EYS: variants seen among roughly 807,000 people sequenced by gnomAD.
The protein encoded by EYS is protein eyes shut homolog.
Under a neutral mutation model 282.1 loss-of-function variants are expected in EYS, and 250 were observed. That is an observed-to-expected ratio of 0.89 (90% CI 0.80 to 0.98). The LOEUF (loss-of-function observed/expected upper bound fraction) is 0.98. Ranked by LOEUF, EYS falls within the 50% of genes least tolerant of loss-of-function variation. The probability of loss-of-function intolerance (pLI) is 0.00; values close to 1 mark genes in which losing one functional copy is unlikely to be tolerated. For synonymous variants in EYS, 1,355 were observed against 1,282.9 expected (o/e 1.06, Z -1.20); for missense variants, 4,016 against 3,709.0 (o/e 1.08, Z -2.15).
chr6:65,136,767 C>T (rs1339097647), intron 12 of EYS, among the ~76,000 whole-genome samples: 1 of 152,072 alleles, frequency 6.6e-6, no homozygotes, highest in Non-Finnish European at 1.5e-5. Context: ...CTTACTGCAA[C>T]CTCTGCCTCT....
intron 14 of EYS, among the ~76,000 whole-genome samples, chr6:64,959,323 T>C (rs906057590): frequency 6.6e-5 from 10 of 152,232 alleles, no homozygotes; most frequent in Non-Finnish European, 1.5e-4. Context: ...GTAGAATGTG[T>C]TATTATTGAC....
chr6:64,963,286 C>T lies in EYS; in HGVS notation c.2260-17372G>A, dbSNP rs185575708. On this transcript the variant is annotated intron_variant, in intron 14 of 42. Coordinates refer to ENST00000503581, the MANE Select transcript of EYS (RefSeq NM_001142800.2). ...TTTCATTAGCGAAATTATTATTAAA[C>T]ATATATAGACTTAGTAAATATTTTA... Among the ~76,000 whole-genome samples, 174 of 152,268 alleles carry T rather than the reference C, an allele frequency of 1.1e-3. 1 individual carries two copies. Among genetic ancestry groups the T allele is most frequent in the African/African-American group, 4.1e-3 (172 of 41,566 alleles).
intron 2 of EYS, among the ~76,000 whole-genome samples, chr6:65,627,014 C>CCTTTCTTTCTTT (rs67656600): frequency 6.6e-6 from 1 of 151,442 alleles, no homozygotes; most frequent in African/African-American, 2.4e-5. Context: ...CTCTCTCTGC[C>CCTTTCTTTCTTT]CTTTCTTTCT....
At position 64,590,792 on chromosome 6, in the gene EYS, A is replaced by T; in HGVS notation, c.5075T>A (p.Leu1692Gln). The T allele has an allele frequency of 6.5e-7, 1 of 1,547,774 alleles. No individual in the cohort carries two copies. Among genetic ancestry groups the T allele is most frequent in the Non-Finnish European group, 8.7e-7 (1 of 1,143,828 alleles). Reference sequence around the variant, plus strand: ...TTTTAAAATGTTTTCTGATACTGACAGTTCATCAGTAGTCATTTTTGAAGT... The same window carrying T: ...TTTTAAAATGTTTTCTGATACTGACTGTTCATCAGTAGTCATTTTTGAAGT... The part of the protein sequence containing the change: ...DLTSKMTTDE[L>Q]SVSENILKLL... The change falls in exon 26 of 43, where the codon CTG becomes CAG. Residue 1692 changes from leucine to glutamine, a missense_variant. Physicochemically the swap from Leu to Gln is moderately radical, Grantham distance 113 (BLOSUM62 -2). Coordinates refer to ENST00000503581, the MANE Select transcript of EYS (RefSeq NM_001142800.2).
chr6:64,296,950 A>G (rs1427494549), intron 30 of EYS, among the ~76,000 whole-genome samples: 2 of 152,108 alleles, frequency 1.3e-5, no homozygotes, highest in African/African-American at 2.4e-5. Flanking sequence ...AAGTCTATTG[A>G]AGGTTTACAA....
At chr6:65,399,189 C>T (rs546206311) in intron 7 of EYS, among the ~76,000 whole-genome samples, 1 of 152,080 alleles carries the variant, frequency 6.6e-6, no homozygotes, top group Admixed American at 6.6e-5. Flanking sequence ...TATCTGCCTA[C>T]TGGAATGTAA....
chr6:65,327,083 C>A (rs59783522), intron 11 of EYS, among the ~76,000 whole-genome samples: 7,037 of 151,704 alleles, frequency 0.046, 227 homozygotes, highest in South Asian at 0.08. Context: ...TAATAGCAGG[C>A]ATTATTGATT....
intron 11 of EYS, among the ~76,000 whole-genome samples, chr6:65,315,516 T>C (rs2150301340): frequency 6.6e-6 from 1 of 152,162 alleles, no homozygotes; most frequent in Non-Finnish European, 1.5e-5. Flanking sequence ...GTGTCTCTTT[T>C]CCAACTTTCT....
chr6:63,859,770 T>C (rs1241172216), intron 36 of EYS, among the ~76,000 whole-genome samples: 1 of 152,108 alleles, frequency 6.6e-6, no homozygotes, highest in Admixed American at 6.6e-5. Flanking sequence ...CCATCTGCAG[T>C]GTTTGTTTGT....
chr6:64,269,933 T>A (rs555444409), intron 30 of EYS, among the ~76,000 whole-genome samples: 3 of 152,144 alleles, frequency 2.0e-5, no homozygotes, highest in East Asian at 3.9e-4. Flanking sequence ...TCCTATTTTT[T>A]AAAAAGCTCT....
rs544699430 is a variant in EYS, at chr6:64,081,411, A to C, written c.6571+445T>G. Among the ~76,000 whole-genome samples the C allele has an allele frequency of 2.6e-3, 393 of 152,072 alleles. 1 individual carries two copies. Among genetic ancestry groups the C allele is most frequent in the African/African-American group, 8.3e-3 (342 of 41,392 alleles). ...TACTGTTAATACTACTTAAAAAAAA[A>C]CCAGCTTATATCAAGATAATAGATG... On this transcript the variant is annotated intron_variant, in intron 32 of 42. Transcript: ENST00000503581.
At chr6:65,700,546 T>C (rs1165566887) in intron 1 of EYS, among the ~76,000 whole-genome samples, 2 of 152,228 alleles carry the variant, frequency 1.3e-5, no homozygotes, top group Admixed American at 6.5e-5. Flanking sequence ...AATGTTTTTC[T>C]TTATCCTACT....
chr6:65,466,347 G>A (rs771319767), intron 5 of EYS, among the ~76,000 whole-genome samples: 3 of 151,846 alleles, frequency 2.0e-5, no homozygotes, highest in Admixed American at 6.6e-5. Flanking sequence ...TATAAAATAC[G>A]ACATTAAGCA....
intron 29 of EYS, among the ~76,000 whole-genome samples, chr6:64,365,265 T>G (rs1772149224): frequency 6.6e-6 from 1 of 151,560 alleles, no homozygotes; most frequent in Admixed American, 6.6e-5. Flanking sequence ...GGGAAGTGAG[T>G]GCTAGGCTAC....
At chr6:64,197,621 G>C (rs1473662779) in intron 31 of EYS, among the ~76,000 whole-genome samples, 1 of 151,814 alleles carries the variant, frequency 6.6e-6, no homozygotes, top group Non-Finnish European at 1.5e-5. Flanking sequence ...ATCTCTACAT[G>C]GCTTGCTGCT....
In EYS at chr6:63,922,396, C is replaced by G. The variant is rs111789694; in HGVS notation, c.7056-58038G>C. Among the ~76,000 whole-genome samples the G allele has an allele frequency of 9.1e-3, 1,389 of 152,206 alleles. 16 individuals are homozygous for G. The highest frequency in any genetic ancestry group is 9.9e-3 in the Non-Finnish European group (671 of 68,022). ...TGGCCAACATGGTAAAACCCTGTCT[C>G]TACTAAAAATACAAAAATTAGCTGG... On this transcript the variant is annotated intron_variant, in intron 35 of 42. Coordinates refer to ENST00000503581, the MANE Select transcript of EYS (RefSeq NM_001142800.2).
intron 33 of EYS, among the ~76,000 whole-genome samples, chr6:64,002,477 T>C (rs796912272): frequency 9.2e-5 from 14 of 152,324 alleles, no homozygotes; most frequent in African/African-American, 3.4e-4. Context: ...AGGAGCACAC[T>C]GTAACACATG....
At chr6:65,596,203 T>A (rs545434177) in intron 2 of EYS, among the ~76,000 whole-genome samples, 1 of 152,220 alleles carries the variant, frequency 6.6e-6, no homozygotes, top group Admixed American at 6.6e-5. Context: ...ACATCTTGGA[T>A]AAGCTGATTC....
At chr6:65,065,140 G>A (rs772192175) in intron 12 of EYS, among the ~76,000 whole-genome samples, 32 of 152,172 alleles carry the variant, frequency 2.1e-4, no homozygotes, top group Middle Eastern at 3.4e-3. Context: ...TGGAGAACAT[G>A]AGTTTATAGA....
Sources: gnomAD v4.1 joint callset for allele counts (sites outside exome capture counted in the v4.1 genomes callset) on GRCh38, gnomAD v4.1.1 for gene constraint, MANE v1.5 for transcripts, NCBI Gene and HGNC (gene_info 2026-07-23, HGNC 2026-07-21) for gene names.